Variants in CSMD1 observed in about 807,000 individuals in gnomAD.
The protein encoded by CSMD1 is CUB and Sushi multiple domains 1.
A neutral mutation model predicts 417.5 loss-of-function variants in CSMD1; 213 were observed. That is an observed-to-expected ratio of 0.51 (90% CI 0.46 to 0.57). The LOEUF (loss-of-function observed/expected upper bound fraction) is 0.57, where lower values mean the gene tolerates loss of function less well. Among genes scored for constraint, CSMD1 ranks in the 20% least tolerant of loss-of-function variants. The pLI is 0.00. For synonymous variants in CSMD1, 2,862 were observed against 1,736.8 expected (o/e 1.65, Z -16.11); for missense variants, 6,923 against 4,529.7 (o/e 1.53, Z -15.17).
At chr8:3,071,352 G>A (rs1215677791) in intron 49 of CSMD1, among the ~76,000 whole-genome samples, 2 of 152,058 alleles carry the variant, frequency 1.3e-5, no homozygotes, top group Non-Finnish European at 2.9e-5. Flanking sequence ...GGCCCATCAC[G>A]GGGTGGGGAG....
At chr8:3,935,419 G>C (rs536816333) in intron 5 of CSMD1, among the ~76,000 whole-genome samples, 6 of 152,172 alleles carry the variant, frequency 3.9e-5, no homozygotes, top group South Asian at 4.2e-4. Flanking sequence ...CAAATAACTG[G>C]GTTTTTGAAA....
chr8:3,145,402 C>G (rs1361766793), intron 40 of CSMD1, among the ~76,000 whole-genome samples: 2 of 152,106 alleles, frequency 1.3e-5, no homozygotes, highest in East Asian at 3.9e-4. Context: ...CCGGCACAGT[C>G]ACGAAACATA....
At chr8:4,586,615 G>A (rs1397686278) in intron 2 of CSMD1, among the ~76,000 whole-genome samples, 1 of 152,044 alleles carries the variant, frequency 6.6e-6, no homozygotes, top group Non-Finnish European at 1.5e-5. Flanking sequence ...GATAAACACT[G>A]TTCCCTCTCA....
chr8:4,272,592 G>T (rs1178486288), intron 3 of CSMD1, among the ~76,000 whole-genome samples: 1 of 152,106 alleles, frequency 6.6e-6, no homozygotes, highest in Non-Finnish European at 1.5e-5. Context: ...CTTTTTTGAA[G>T]GCAGGGCTTT....
chr8:3,071,172 G>A (rs989134789), intron 49 of CSMD1, among the ~76,000 whole-genome samples: 7 of 152,202 alleles, frequency 4.6e-5, no homozygotes, highest in African/African-American at 1.4e-4. Context: ...CCTCTTTCCA[G>A]GCCCACCTCC....
rs556143394 is a variant in CSMD1, at chr8:4,295,578, G to A, written c.415+124375C>T. On this transcript the variant is annotated intron_variant, in intron 3 of 69. Transcript: ENST00000635120. ...AAGATTATATGTCATCTTTTTAAGG[G>A]CTTATTAAGGGCTTAAGATTATATA... 6.5e-4 allele frequency among the ~76,000 whole-genome samples: 91 copies of A among 140,566 alleles called. 1 individual carries two copies. In the East Asian group the frequency reaches 0.018, roughly 28 times the overall value. 92.2% of individuals were successfully genotyped at this position (140,566 alleles called of 152,430 possible).
intron 5 of CSMD1, among the ~76,000 whole-genome samples, chr8:3,965,212 G>C (rs557578612): frequency 2.6e-5 from 4 of 152,080 alleles, no homozygotes; most frequent in African/African-American, 2.4e-5. Flanking sequence ...CGGAAGGAGG[G>C]GCTGAACTTG....
chr8:4,163,338 C>G (rs903335183), intron 3 of CSMD1, among the ~76,000 whole-genome samples: 3 of 152,146 alleles, frequency 2.0e-5, no homozygotes, highest in Non-Finnish European at 4.4e-5. Flanking sequence ...TGTTCCATTT[C>G]GCATTCCCAT....
intron 3 of CSMD1, among the ~76,000 whole-genome samples, chr8:4,130,832 G>C (rs1426485060): frequency 6.6e-6 from 1 of 151,314 alleles, no homozygotes; most frequent in Non-Finnish European, 1.5e-5. Flanking sequence ...ATTGTACTAT[G>C]TGCTATATTA....
Position 4,478,681 on chromosome 8 carries a change from G to A in CSMD1, c.303-58616C>T, listed in dbSNP as rs536679864. Among the ~76,000 whole-genome samples the A allele has an allele frequency of 9.2e-5, 14 of 152,274 alleles. 1 individual carries two copies. In the East Asian group the frequency reaches 2.5e-3, roughly 27 times the overall value. The stretch of plus-strand genomic sequence containing the variant: ...GTCAAGTTAATTTTATATGGCCATG[G>A]TGCATGTTAACTGGTTACTTGTAAA... On this transcript the variant is annotated intron_variant, in intron 2 of 69. Coordinates refer to ENST00000635120, the MANE Select transcript of CSMD1 (RefSeq NM_033225.6).
intron 2 of CSMD1, among the ~76,000 whole-genome samples, chr8:4,516,117 G>C (rs1187201190): frequency 2.0e-5 from 3 of 152,066 alleles, no homozygotes; most frequent in African/African-American, 4.8e-5. Flanking sequence ...GAGTTCTTTA[G>C]AGAGTAATTA....
chr8:4,098,849 T>C (rs1240364499), intron 3 of CSMD1, among the ~76,000 whole-genome samples: 1 of 152,182 alleles, frequency 6.6e-6, no homozygotes, highest in Non-Finnish European at 1.5e-5. Flanking sequence ...CCATAAATCT[T>C]GCTCACTCAT....
At chr8:3,116,128 T>G (rs1429882329) in intron 42 of CSMD1, among the ~76,000 whole-genome samples, 1 of 152,110 alleles carries the variant, frequency 6.6e-6, no homozygotes, top group Non-Finnish European at 1.5e-5. Flanking sequence ...CTTTCACAAG[T>G]AAAGCACCTT....
At chr8:4,013,150 G>A (rs1191699906) in intron 4 of CSMD1, among the ~76,000 whole-genome samples, 1 of 152,006 alleles carries the variant, frequency 6.6e-6, no homozygotes, top group Non-Finnish European at 1.5e-5. Context: ...CTCCCACACT[G>A]CTCAGTATAG....
intron 10 of CSMD1, among the ~76,000 whole-genome samples, chr8:3,527,342 A>C (rs1226391644): frequency 1.3e-5 from 2 of 152,184 alleles, no homozygotes; most frequent in African/African-American, 2.4e-5. Context: ...CCCTTTCAAA[A>C]AGCCATTCTA....
chr8:2,967,056 A>G (rs1804030625), intron 57 of CSMD1, among the ~76,000 whole-genome samples: 1 of 152,244 alleles, frequency 6.6e-6, no homozygotes, highest in African/African-American at 2.4e-5. Flanking sequence ...AATGTTTTTA[A>G]TAGCCTTGCT....
intron 12 of CSMD1, among the ~76,000 whole-genome samples, chr8:3,436,069 A>C (rs1004747508): frequency 2.0e-5 from 3 of 152,078 alleles, no homozygotes; most frequent in Non-Finnish European, 4.4e-5. Context: ...CCAGAGACTC[A>C]CACTGCTGGT....
At chr8:3,299,048 G>T (rs901039744) in intron 25 of CSMD1, among the ~76,000 whole-genome samples, 3 of 152,100 alleles carry the variant, frequency 2.0e-5, no homozygotes, top group Admixed American at 2.0e-4. Context: ...CAAAAAATAT[G>T]ATACAACAAA....
chr8:4,260,822 A>T (rs980053931), intron 3 of CSMD1, among the ~76,000 whole-genome samples: 1 of 152,180 alleles, frequency 6.6e-6, no homozygotes, highest in African/African-American at 2.4e-5. Flanking sequence ...TATGTATATT[A>T]TGACACTCTT....
Sources: gnomAD v4.1 joint callset for allele counts (sites outside exome capture counted in the v4.1 genomes callset) on GRCh38, gnomAD v4.1.1 for gene constraint, MANE v1.5 for transcripts, NCBI Gene and HGNC (gene_info 2026-07-23, HGNC 2026-07-21) for gene names.